The following NEGR1 variants were observed in gnomAD, a reference collection of about 807,000 sequenced individuals.
The protein encoded by NEGR1 is neuronal growth regulator 1, also known as IgLON family member 4.
Under a neutral mutation model 40.9 loss-of-function variants are expected in NEGR1, and 10 were observed. The ratio of observed to expected loss-of-function variants is 0.24; its 90% CI spans 0.15 to 0.42. The LOEUF (loss-of-function observed/expected upper bound fraction) is 0.42. NEGR1 is among the 10% of genes least tolerant of loss of function. The pLI is 1.00. For missense variants in NEGR1, 352 were observed against 438.9 expected (o/e 0.80, Z 1.77); for synonymous variants, 185 against 166.8 (o/e 1.11, Z -0.84).
chr1:72,173,489 A>T, intron 1 of NEGR1, among the ~76,000 whole-genome samples: 1 of 151,670 alleles, frequency 6.6e-6, no homozygotes, highest in East Asian at 2.0e-4. Context: ...TGAAAAGTTA[A>T]TTTTTTAAAG....
At chr1:72,063,408 G>A (rs188705891) in intron 1 of NEGR1, among the ~76,000 whole-genome samples, 6 of 151,992 alleles carry the variant, frequency 3.9e-5, no homozygotes, top group Non-Finnish European at 7.4e-5. Flanking sequence ...GTTATGTACG[G>A]CGTAATGGAA....
chr1:71,636,552 A>T (rs1461679403), intron 4 of NEGR1, among the ~76,000 whole-genome samples: 1 of 152,104 alleles, frequency 6.6e-6, no homozygotes, highest in Non-Finnish European at 1.5e-5. Context: ...CATTGCCATC[A>T]AAAGCAAGCT....
chr1:71,435,064 C>A (rs1646498942), intron 6 of NEGR1, among the ~76,000 whole-genome samples: 1 of 151,666 alleles, frequency 6.6e-6, no homozygotes, highest in Non-Finnish European at 1.5e-5. Context: ...GCACTCCAGC[C>A]TGGGCGACAG....
chr1:72,096,047 G>A (rs1294691568), intron 1 of NEGR1, among the ~76,000 whole-genome samples: 1 of 151,714 alleles, frequency 6.6e-6, no homozygotes, highest in Non-Finnish European at 1.5e-5. Context: ...GACTTTACGA[G>A]GCCTCAAACC....
chr1:71,598,198 A>T (rs1422991373), intron 5 of NEGR1, among the ~76,000 whole-genome samples: 2 of 152,166 alleles, frequency 1.3e-5, no homozygotes, highest in African/African-American at 4.8e-5. Flanking sequence ...TGACATTCAA[A>T]TCGCTAAGTA....
At chr1:71,521,707 G>T (rs935285756) in intron 6 of NEGR1, among the ~76,000 whole-genome samples, 2 of 151,980 alleles carry the variant, frequency 1.3e-5, no homozygotes, top group Admixed American at 1.3e-4. Flanking sequence ...AAGTGTATAG[G>T]AGCAACTCTT....
chr1:72,176,014 A>T (rs907699219), intron 1 of NEGR1, among the ~76,000 whole-genome samples: 2 of 152,180 alleles, frequency 1.3e-5, no homozygotes, highest in Non-Finnish European at 2.9e-5. Flanking sequence ...GAAGACAGCT[A>T]AAATTCAGAA....
chr1:71,591,684 G>A (rs1334037512), intron 6 of NEGR1, among the ~76,000 whole-genome samples: 3 of 152,064 alleles, frequency 2.0e-5, no homozygotes, highest in African/African-American at 4.8e-5. Context: ...TGCATGGCAA[G>A]CAATGTTTTT....
intron 6 of NEGR1, among the ~76,000 whole-genome samples, chr1:71,555,932 G>T (rs1648238085): frequency 6.6e-6 from 1 of 151,308 alleles, no homozygotes; most frequent in African/African-American, 2.4e-5. Context: ...GTTTCTGTTT[G>T]GTAATGCTAT....
At chr1:71,774,696 AT>A (rs200520084) in intron 3 of NEGR1, among the ~76,000 whole-genome samples, 7 of 148,290 alleles carry the variant, frequency 4.7e-5, no homozygotes, top group East Asian at 2.0e-4. Flanking sequence ...CAAAAAAAAA[AT>A]ATGAAACAAA....
chr1:71,992,636 T>G (rs2100361803), intron 1 of NEGR1, among the ~76,000 whole-genome samples: 1 of 152,334 alleles, frequency 6.6e-6, no homozygotes, highest in Admixed American at 6.5e-5. Context: ...TGGCGTGAAT[T>G]TTATAGTTAT....
intron 1 of NEGR1, among the ~76,000 whole-genome samples, chr1:72,008,491 C>G (rs1416421075): frequency 2.0e-5 from 3 of 152,038 alleles, no homozygotes; most frequent in African/African-American, 7.2e-5. Flanking sequence ...TTTTCATCTG[C>G]AAACAGCAAT....
intron 2 of NEGR1, among the ~76,000 whole-genome samples, chr1:71,814,222 T>C (rs1180075816): frequency 6.6e-6 from 1 of 151,592 alleles, no homozygotes; most frequent in South Asian, 2.1e-4. Context: ...TTTATTGATT[T>C]GTGTGTGTTG....
At position 71,398,704 on chromosome 1, in the gene NEGR1, G is replaced by A. The variant is rs1010941778; in HGVS notation, c.*8742C>T. 1 of 152,206 alleles carries A rather than the reference G, an allele frequency of 6.6e-6. No homozygotes were observed. Among genetic ancestry groups the A allele is most frequent in the Non-Finnish European group, 1.5e-5 (1 of 68,060 alleles). 9.4% of individuals were successfully genotyped at this position (152,206 alleles called of 1,614,324 possible). On this transcript the variant is annotated 3_prime_UTR_variant, in exon 7 of 7. Transcript: ENST00000357731. ...CTGTTGGGAAAGCATGATTGGTTTT[G>A]AAATGTGAGGACATGAGATTTGGGA...
Position 72,163,693 on chromosome 1 carries a change from T to C in NEGR1, c.176+118626A>G, listed in dbSNP as rs2100380214. On this transcript the variant is annotated intron_variant, in intron 1 of 6. Transcript: ENST00000357731. Reference sequence around the variant, plus strand: ...TGAAACAATGTCAAGGCAAATAATATATGCCCAGATAGCTAGATTACATAG... The same window carrying C: ...TGAAACAATGTCAAGGCAAATAATACATGCCCAGATAGCTAGATTACATAG... 2.0e-5 allele frequency among the ~76,000 whole-genome samples: 3 copies of C among 151,732 alleles called. No individual in the cohort carries two copies. In the South Asian group the frequency reaches 6.2e-4, roughly 32 times the overall value.
rs189767515 is a variant in NEGR1, at chr1:71,456,536, T to A, written c.941-48966A>T. On this transcript the variant is annotated intron_variant, in intron 6 of 6. Coordinates refer to ENST00000357731, the MANE Select transcript of NEGR1 (RefSeq NM_173808.3). The stretch of plus-strand genomic sequence containing the variant: ...CCCAGGTCTGCTCAGACTGTAAGGG[T>A]CCTGACTATTTTGAAAGGCAGGTAA... Among the ~76,000 whole-genome samples the A allele has an allele frequency of 5.5e-3, 845 of 152,336 alleles. 6 individuals carry two copies. Among genetic ancestry groups the A allele is most frequent in the African/African-American group, 0.019 (804 of 41,582 alleles).
chr1:71,962,774 T>A (rs1031356436), intron 1 of NEGR1, among the ~76,000 whole-genome samples: 2 of 151,876 alleles, frequency 1.3e-5, no homozygotes, highest in African/African-American at 4.8e-5. Context: ...CTCCAAGTTT[T>A]TTTTTTTTTC....
At chr1:71,552,637 A>G (rs1648124874) in intron 6 of NEGR1, among the ~76,000 whole-genome samples, 1 of 149,894 alleles carries the variant, frequency 6.7e-6, no homozygotes, top group Admixed American at 6.7e-5. Context: ...GAATATATAT[A>G]CACACATCTA....
chr1:72,135,142 C>A (rs1166249307), intron 1 of NEGR1, among the ~76,000 whole-genome samples: 1 of 150,038 alleles, frequency 6.7e-6, no homozygotes, highest in East Asian at 2.0e-4. Flanking sequence ...TTTGGGAGGC[C>A]GAGATGGGAG....
Sources: gnomAD v4.1 joint callset for allele counts (sites outside exome capture counted in the v4.1 genomes callset) on GRCh38, gnomAD v4.1.1 for gene constraint, MANE v1.5 for transcripts, NCBI Gene and HGNC (gene_info 2026-07-23, HGNC 2026-07-21) for gene names.